ZNF804B: variants seen among roughly 807,000 people sequenced by gnomAD.
ZNF804B encodes the protein zinc finger 804B.
In ZNF804B, 80 loss-of-function variants were observed where a neutral mutation model predicts 101.4. The ratio of observed to expected loss-of-function variants is 0.79; its 90% CI spans 0.66 to 0.95. The LOEUF is 0.95. ZNF804B is among the 40% of genes least tolerant of loss of function. The pLI is 0.00. For synonymous variants in ZNF804B, 622 were observed against 558.8 expected, an observed-to-expected ratio of 1.11 and a Z score of -1.59; for missense variants, 1,673 against 1,561.9, an observed-to-expected ratio of 1.07 and a Z score of -1.20.
intron 1 of ZNF804B, among the ~76,000 whole-genome samples, chr7:88,910,824 CTAGTAATGTTATCAG>C (rs1403334418): frequency 2.0e-5 from 3 of 151,912 alleles, no homozygotes; most frequent in Non-Finnish European, 4.4e-5. Context: ...GTCTCTACAT[CTAGTAATGTTATCAG>C]TAGTTGTAAA....
At chr7:89,088,234 G>A (rs772235169) in intron 1 of ZNF804B, among the ~76,000 whole-genome samples, 8 of 151,886 alleles carry the variant, frequency 5.3e-5, no homozygotes, top group African/African-American at 9.7e-5. Flanking sequence ...AAACTGAAAG[G>A]TGGAAATATC....
chr7:89,018,170 A>G (rs941888084), intron 1 of ZNF804B, among the ~76,000 whole-genome samples: 1 of 151,948 alleles, frequency 6.6e-6, no homozygotes, highest in Non-Finnish European at 1.5e-5. Context: ...CATGAACTTT[A>G]TTGTTTTGAG....
At chr7:89,262,978 A>T (rs536517312) in intron 2 of ZNF804B, among the ~76,000 whole-genome samples, 2 of 151,854 alleles carry the variant, frequency 1.3e-5, no homozygotes, top group East Asian at 3.9e-4. Context: ...TTTGTAGCTT[A>T]GTTGTCCTGT....
chr7:88,842,732 C>G (rs913596641), intron 1 of ZNF804B, among the ~76,000 whole-genome samples: 2 of 152,132 alleles, frequency 1.3e-5, no homozygotes, highest in African/African-American at 2.4e-5. Context: ...CTGCTTCAAA[C>G]GAACTAAGAA....
intron 1 of ZNF804B, among the ~76,000 whole-genome samples, chr7:88,895,259 G>A (rs1443460426): frequency 1.3e-5 from 2 of 152,152 alleles, no homozygotes; most frequent in Admixed American, 6.5e-5. Context: ...ACATGGAAGT[G>A]GAACAAATAA....
intron 2 of ZNF804B, among the ~76,000 whole-genome samples, chr7:89,219,185 T>A (rs10279681): frequency 0.59 from 89,071 of 151,518 alleles, 26,664 homozygotes; most frequent in African/African-American, 0.63. Context: ...CAAAGTTACT[T>A]AACTAGTTAG....
At chr7:89,033,618 A>G (rs1314271843) in intron 1 of ZNF804B, among the ~76,000 whole-genome samples, 1 of 152,156 alleles carries the variant, frequency 6.6e-6, no homozygotes, top group Non-Finnish European at 1.5e-5. Flanking sequence ...TAAAAAATAT[A>G]GTTCGTTTCC....
chr7:89,235,210 C>T (rs777547727), intron 2 of ZNF804B, among the ~76,000 whole-genome samples: 2 of 152,100 alleles, frequency 1.3e-5, no homozygotes, highest in Non-Finnish European at 2.9e-5. Flanking sequence ...TTTCCTCACT[C>T]AACTAGAAAT....
intron 1 of ZNF804B, among the ~76,000 whole-genome samples, chr7:89,136,761 G>A (rs1478168279): frequency 6.7e-6 from 1 of 148,512 alleles, no homozygotes; most frequent in Non-Finnish European, 1.5e-5. Flanking sequence ...GTGTGTGTGT[G>A]TGTGCGCGCA....
chr7:88,856,582 A>T (rs1315375536), intron 1 of ZNF804B, among the ~76,000 whole-genome samples: 1 of 152,022 alleles, frequency 6.6e-6, no homozygotes, highest in Non-Finnish European at 1.5e-5. Flanking sequence ...TCTTTTCCTA[A>T]TTGAATACCC....
chr7:89,091,260 T>C (rs1477814332), intron 1 of ZNF804B, among the ~76,000 whole-genome samples: 1 of 151,772 alleles, frequency 6.6e-6, no homozygotes, highest in Non-Finnish European at 1.5e-5. Context: ...TTAAGTGACT[T>C]AGATGTAAAT....
intron 1 of ZNF804B, among the ~76,000 whole-genome samples, chr7:88,940,222 A>C (rs903422225): frequency 2.0e-5 from 3 of 152,036 alleles, no homozygotes; most frequent in South Asian, 4.1e-4. Context: ...CATACTTCCA[A>C]GTAATCCAAG....
At chr7:89,286,401 T>C (rs926396892) in intron 2 of ZNF804B, among the ~76,000 whole-genome samples, 3 of 152,314 alleles carry the variant, frequency 2.0e-5, no homozygotes, top group Non-Finnish European at 2.9e-5. Context: ...ATCATTGTTA[T>C]AGAAAAAGCT....
Position 88,877,010 on chromosome 7 carries a change from ATAT to A in ZNF804B, c.108+116927_108+116929del, listed in dbSNP as rs1562820322. On this transcript the variant is annotated intron_variant, in intron 1 of 3. Coordinates refer to ENST00000333190, the MANE Select transcript of ZNF804B (RefSeq NM_181646.5). The stretch of plus-strand genomic sequence containing the variant: ...ACAGAGAATATTTGAAAAAAAAAAT[ATAT>A]ATATATATATATAATATATATATAT... Among the ~76,000 whole-genome samples the A allele has an allele frequency of 3.6e-3, 222 of 61,914 alleles. 5 individuals carry two copies. Among genetic ancestry groups the A allele is most frequent in the African/African-American group, 4.6e-3 (34 of 7,330 alleles). The allele number at this position is 61,914 out of a possible 152,430, so 40.6% of individuals were successfully genotyped here. A position where few individuals can be genotyped will look rare whatever the true frequency, so the allele number is the denominator to read the frequency against.
intron 1 of ZNF804B, among the ~76,000 whole-genome samples, chr7:89,204,482 A>G (rs991033353): frequency 2.0e-5 from 3 of 152,164 alleles, no homozygotes; most frequent in African/African-American, 4.8e-5. Context: ...CTTTCTTCCA[A>G]TCATAAAGAT....
intron 1 of ZNF804B, among the ~76,000 whole-genome samples, chr7:89,095,003 T>C (rs1253326391): frequency 6.6e-6 from 1 of 152,170 alleles, no homozygotes; most frequent in African/African-American, 2.4e-5. Context: ...ACATGAAAAC[T>C]CTTATAATGT....
chr7:88,817,693 C>A (rs560500861), intron 1 of ZNF804B, among the ~76,000 whole-genome samples: 1 of 152,232 alleles, frequency 6.6e-6, no homozygotes, highest in African/African-American at 2.4e-5. Flanking sequence ...TTCATCACAA[C>A]TAATAAACCA....
chr7:89,131,611 A>G (rs1342587224), intron 1 of ZNF804B, among the ~76,000 whole-genome samples: 1 of 152,048 alleles, frequency 6.6e-6, no homozygotes, highest in Non-Finnish European at 1.5e-5. Context: ...AAAATATGGG[A>G]CATTTTAAGG....
intron 1 of ZNF804B, among the ~76,000 whole-genome samples, chr7:88,988,794 A>G (rs1032957199): frequency 6.6e-6 from 1 of 152,128 alleles, no homozygotes; most frequent in African/African-American, 2.4e-5. Context: ...GAGTAAGACT[A>G]AAGGAAACTT....
Sources: allele counts gnomAD v4.1 joint callset (sites outside exome capture counted in the v4.1 genomes callset), GRCh38; gene constraint gnomAD v4.1.1; transcripts MANE v1.5; gene names NCBI Gene and HGNC (gene_info 2026-07-23, HGNC 2026-07-21).